MAST4: variants seen among roughly 807,000 people sequenced by gnomAD.
MAST4 encodes the protein microtubule associated serine/threonine kinase family member 4, also known as microtubule-associated serine/threonine-protein kinase 4.
Under a neutral mutation model 162.7 loss-of-function variants are expected in MAST4, and 89 were observed. The observed-to-expected ratio is 0.55, with a 90% CI of 0.46 to 0.65. The LOEUF (loss-of-function observed/expected upper bound fraction) is 0.65. Among genes scored for constraint, MAST4 ranks in the 30% least tolerant of loss-of-function variants. MAST4 has a pLI of 0.00. For synonymous variants in MAST4, 1,479 were observed against 1,361.1 expected (o/e 1.09, Z -1.91); for missense variants, 3,153 against 3,374.0 (o/e 0.93, Z 1.62).
chr5:66,999,852 T>A (rs1751082823), intron 4 of MAST4, among the ~76,000 whole-genome samples: 1 of 152,348 alleles, frequency 6.6e-6, no homozygotes, highest in South Asian at 2.1e-4. Context: ...TGTCTTAGTT[T>A]TCAGCATTCA....
chr5:66,708,569 T>G (rs1347146182), intron 1 of MAST4, among the ~76,000 whole-genome samples: 1 of 152,184 alleles, frequency 6.6e-6, no homozygotes, highest in African/African-American at 2.4e-5. Context: ...TCTGACCTCC[T>G]TGTCTGAATT....
At chr5:66,661,916 G>A (rs553450744) in intron 1 of MAST4, among the ~76,000 whole-genome samples, 37 of 152,262 alleles carry the variant, frequency 2.4e-4, no homozygotes, top group African/African-American at 8.4e-4. Context: ...GAAACAGTGG[G>A]ATGTCATAAT....
intron 3 of MAST4, among the ~76,000 whole-genome samples, chr5:66,848,142 A>AT (rs1297789889): frequency 1.3e-5 from 2 of 152,040 alleles, no homozygotes; most frequent in East Asian, 3.9e-4. Context: ...TTTGCTTAAG[A>AT]TTTTTTTCTT....
At chr5:66,796,284 G>A (rs926942548) in intron 3 of MAST4, among the ~76,000 whole-genome samples, 1 of 152,212 alleles carries the variant, frequency 6.6e-6, no homozygotes, top group Non-Finnish European at 1.5e-5. Flanking sequence ...AGGGTATTGC[G>A]ATTCGGTCTA....
chr5:66,604,971 T>G (rs1181874942), intron 1 of MAST4, among the ~76,000 whole-genome samples: 1 of 152,208 alleles, frequency 6.6e-6, no homozygotes, highest in Non-Finnish European at 1.5e-5. Flanking sequence ...AGGGCAGTCA[T>G]AGCCAGCGAA....
intron 26 of MAST4, among the ~76,000 whole-genome samples, chr5:67,157,847 C>T (rs888112229): frequency 6.6e-5 from 10 of 152,154 alleles, no homozygotes; most frequent in Admixed American, 3.3e-4. Context: ...AAACAAACAA[C>T]GCTTACGACT....
At chr5:66,966,017 TC>T (rs1338889484) in intron 4 of MAST4, among the ~76,000 whole-genome samples, 1 of 152,186 alleles carries the variant, frequency 6.6e-6, no homozygotes, top group East Asian at 1.9e-4. Flanking sequence ...TTTGCAGAGT[TC>T]TTTATAGTTG....
intron 3 of MAST4, among the ~76,000 whole-genome samples, chr5:66,848,852 A>G (rs1051436476): frequency 5.9e-5 from 9 of 152,186 alleles, no homozygotes; most frequent in African/African-American, 2.2e-4. Flanking sequence ...TAGCTGCAGC[A>G]TTTATACACA....
intron 1 of MAST4, among the ~76,000 whole-genome samples, chr5:66,661,049 G>A (rs1746874806): frequency 6.6e-6 from 1 of 152,166 alleles, no homozygotes; most frequent in African/African-American, 2.4e-5. Flanking sequence ...TAAGTTTTGG[G>A]AGAGTAGTAT....
chr5:66,646,329 A>G (rs914704468), intron 1 of MAST4, among the ~76,000 whole-genome samples: 2 of 152,196 alleles, frequency 1.3e-5, no homozygotes, highest in Non-Finnish European at 2.9e-5. Context: ...ATAGGCAGAC[A>G]TCAGAAATTG....
At chr5:66,885,397 G>A (rs753538098) in intron 3 of MAST4, among the ~76,000 whole-genome samples, 2 of 152,142 alleles carry the variant, frequency 1.3e-5, no homozygotes, top group Non-Finnish European at 2.9e-5. Flanking sequence ...AAAATGCAGA[G>A]TCTAGCATAT....
At chr5:66,609,324 G>A (rs985729110) in intron 1 of MAST4, among the ~76,000 whole-genome samples, 1 of 151,948 alleles carries the variant, frequency 6.6e-6, no homozygotes, top group South Asian at 2.1e-4. Context: ...AGCCCTTAAA[G>A]TGGACTGAAA....
At chr5:67,124,048 G>A (rs910286267) in intron 14 of MAST4, among the ~76,000 whole-genome samples, 2 of 152,130 alleles carry the variant, frequency 1.3e-5, no homozygotes, top group South Asian at 2.1e-4. Flanking sequence ...ATTCATGCTC[G>A]CTATAGGGCT....
At chr5:66,896,856 T>A (rs369066894) in intron 3 of MAST4, among the ~76,000 whole-genome samples, 1 of 152,316 alleles carries the variant, frequency 6.6e-6, no homozygotes, top group East Asian at 1.9e-4. Flanking sequence ...TCTTCCTGGA[T>A]TGGAGGGATC....
intron 1 of MAST4, among the ~76,000 whole-genome samples, chr5:66,737,785 C>G (rs1353745435): frequency 6.6e-6 from 1 of 152,148 alleles, no homozygotes; most frequent in Non-Finnish European, 1.5e-5. Flanking sequence ...CCAAGTCACT[C>G]TCTTGACTTC....
At chr5:66,871,148 C>G (rs575211542) in intron 3 of MAST4, among the ~76,000 whole-genome samples, 136 of 152,110 alleles carry the variant, frequency 8.9e-4, no homozygotes, top group Non-Finnish European at 1.5e-3. Context: ...GTGACATCCC[C>G]GAACTCAGAG....
chr5:66,833,110 G>A (rs1193613510), intron 3 of MAST4, among the ~76,000 whole-genome samples: 1 of 152,194 alleles, frequency 6.6e-6, no homozygotes, highest in Non-Finnish European at 1.5e-5. Context: ...TACTCTAAGA[G>A]TGGATTTTAA....
At chr5:66,848,657 TG>T (rs1248531993) in intron 3 of MAST4, among the ~76,000 whole-genome samples, 2 of 152,236 alleles carry the variant, frequency 1.3e-5, no homozygotes, top group Non-Finnish European at 2.9e-5. Context: ...GATGCAGTTT[TG>T]TGAGGATTAG....
intron 4 of MAST4, among the ~76,000 whole-genome samples, chr5:66,967,111 T>C (rs1746829680): frequency 6.6e-6 from 1 of 152,212 alleles, no homozygotes; most frequent in Non-Finnish European, 1.5e-5. Context: ...TTTCCTACCA[T>C]TGATTGTGAT....
Sources: gnomAD v4.1 joint callset for allele counts (sites outside exome capture counted in the v4.1 genomes callset) on GRCh38, gnomAD v4.1.1 for gene constraint, MANE v1.5 for transcripts, NCBI Gene and HGNC (gene_info 2026-07-23, HGNC 2026-07-21) for gene names.